Variants in BCKDHB observed in about 807,000 individuals in gnomAD.
BCKDHB encodes branched chain keto acid dehydrogenase E1 subunit beta.
Under a neutral mutation model 48.5 loss-of-function variants are expected in BCKDHB, and 41 were observed. The observed-to-expected ratio is 0.85, with a 90% CI of 0.66 to 1.10. The LOEUF is 1.10. Among genes scored for constraint, BCKDHB ranks in the 50% least tolerant of loss-of-function variants. The probability of loss-of-function intolerance (pLI) is 0.00; values close to 1 mark genes in which losing one functional copy is unlikely to be tolerated. For missense variants in BCKDHB, 496 were observed against 494.2 expected (o/e 1.00, Z -0.03); for synonymous variants, 201 against 174.8 (o/e 1.15, Z -1.18).
chr6:80,447,668 C>A, the BCKDHB span, among the ~76,000 whole-genome samples: 1,470 of 152,198 alleles, frequency 9.7e-3, 16 homozygotes, highest in African/African-American at 0.034. Flanking sequence ...GATTATCTTA[C>A]ATTTTCTAGA....
chr6:80,126,763 GT>G (rs141356160), intron 1 of BCKDHB, among the ~76,000 whole-genome samples: 1,912 of 152,222 alleles, frequency 0.013, 36 homozygotes, highest in African/African-American at 0.044. Context: ...ATGTCATGAT[GT>G]TTCTGAATTC....
intron 8 of BCKDHB, among the ~76,000 whole-genome samples, chr6:80,243,439 A>T (rs1036569403): frequency 2.6e-5 from 4 of 152,230 alleles, no homozygotes; most frequent in Admixed American, 2.0e-4. Context: ...TGTAGATAGA[A>T]AGAATATCTT....
At chr6:80,294,905 C>T (rs1056806354) in intron 9 of BCKDHB, among the ~76,000 whole-genome samples, 1 of 152,020 alleles carries the variant, frequency 6.6e-6, no homozygotes, top group African/African-American at 2.4e-5. Context: ...TTCCTTTTGT[C>T]CTGTTCCCTC....
intron 9 of BCKDHB, among the ~76,000 whole-genome samples, chr6:80,328,097 T>C (rs1769133675): frequency 6.6e-6 from 1 of 152,088 alleles, no homozygotes; most frequent in African/African-American, 2.4e-5. Context: ...CTGTTACCAG[T>C]ATTGAGGGAC....
At chr6:80,145,155 T>A (rs1396227592) in intron 3 of BCKDHB, among the ~76,000 whole-genome samples, 2 of 152,196 alleles carry the variant, frequency 1.3e-5, no homozygotes, top group Non-Finnish European at 2.9e-5. Flanking sequence ...TAGCATTTGA[T>A]GTGTTTTTTC....
intron 8 of BCKDHB, among the ~76,000 whole-genome samples, chr6:80,239,452 T>C (rs1183165065): frequency 6.6e-6 from 1 of 152,214 alleles, no homozygotes; most frequent in Non-Finnish European, 1.5e-5. Context: ...TGGGGTTGTT[T>C]GATTTTTTCT....
At position 80,332,940 on chromosome 6, in the gene BCKDHB, G is replaced by T. The variant is rs1769391910; in HGVS notation, c.1039-10724G>T. ...AGCACTAAAAAGAAAAAAAAAAAAA[G>T]TACAAATTCGTACGGAACCTACTGT... On this transcript the variant is annotated intron_variant, in intron 9 of 9. Coordinates refer to ENST00000320393, the MANE Select transcript of BCKDHB (RefSeq NM_183050.4). Among the ~76,000 whole-genome samples, 6 of 145,864 alleles carry T rather than the reference G, an allele frequency of 4.1e-5. No individual in the cohort carries two copies. The South Asian group carries it at 1.1e-3, about 26-fold the overall frequency.
intron 1 of BCKDHB, among the ~76,000 whole-genome samples, chr6:80,123,140 ATGGTTGTCTTCCCT>A (rs1770133593): frequency 6.6e-6 from 1 of 151,990 alleles, no homozygotes; most frequent in South Asian, 2.1e-4. Flanking sequence ...GTCAGACCTT[ATGGTTGTCTTCCCT>A]TGTTCCCTAA....
intron 8 of BCKDHB, among the ~76,000 whole-genome samples, chr6:80,230,944 C>T (rs889644141): frequency 2.0e-5 from 3 of 152,166 alleles, no homozygotes; most frequent in African/African-American, 7.2e-5. Context: ...ATTAAGTTTC[C>T]AACACATGAA....
intron 8 of BCKDHB, among the ~76,000 whole-genome samples, chr6:80,224,570 T>C (rs1286522565): frequency 1.3e-5 from 2 of 152,112 alleles, no homozygotes; most frequent in Non-Finnish European, 2.9e-5. Flanking sequence ...TTTTGTATTT[T>C]TCTTTTGTAG....
intron 6 of BCKDHB, among the ~76,000 whole-genome samples, chr6:80,193,762 T>C (rs1014931252): frequency 6.6e-6 from 1 of 151,696 alleles, no homozygotes; most frequent in African/African-American, 2.4e-5. Flanking sequence ...ATGAAAGATA[T>C]TAGCTGATTA....
chr6:80,309,815 A>G (rs974067829), intron 9 of BCKDHB, among the ~76,000 whole-genome samples: 2 of 152,210 alleles, frequency 1.3e-5, no homozygotes, highest in Non-Finnish European at 2.9e-5. Context: ...GGTAATAAGC[A>G]TAGTAACTGA....
At position 80,140,069 on chromosome 6, in the gene BCKDHB, G is replaced by T. The variant is rs897288631; in HGVS notation, c.343+10840G>T. ...GTATTTTATTCTCTTTGAAGCAATT[G>T]TGAATGGGAGTTCACTCATGATTTG... On this transcript the variant is annotated intron_variant, in intron 3 of 9. Coordinates refer to ENST00000320393, the MANE Select transcript of BCKDHB (RefSeq NM_183050.4). Among the ~76,000 whole-genome samples the T allele has an allele frequency of 1.7e-3, 261 of 152,262 alleles. 1 individual carries two copies. Among genetic ancestry groups the T allele is most frequent in the African/African-American group, 5.9e-3 (247 of 41,552 alleles).
At chr6:80,218,725 C>T (rs1775283757) in intron 8 of BCKDHB, among the ~76,000 whole-genome samples, 1 of 152,194 alleles carries the variant, frequency 6.6e-6, no homozygotes, top group Non-Finnish European at 1.5e-5. Context: ...TTAATGCCCT[C>T]TACTCCTATA....
chr6:80,374,389 G>A, the BCKDHB span: 23,279 of 797,630 alleles, frequency 0.029, 487 homozygotes, highest in Non-Finnish European at 0.039. Context: ...TTGTAACGTC[G>A]GAATGGTACG....
At chr6:80,433,507 C>A in the BCKDHB span, among the ~76,000 whole-genome samples, 7 of 152,216 alleles carry the variant, frequency 4.6e-5, no homozygotes, top group African/African-American at 1.7e-4. Context: ...ACACCCCTCC[C>A]CGCGCCAAGC....
At chr6:80,165,506 A>C (rs1219243642) in intron 3 of BCKDHB, among the ~76,000 whole-genome samples, 1 of 152,232 alleles carries the variant, frequency 6.6e-6, no homozygotes, top group Admixed American at 6.5e-5. Flanking sequence ...TATATGAAAA[A>C]GAACTGGTAT....
At chr6:80,166,311 A>G (rs1772564224) in intron 3 of BCKDHB, among the ~76,000 whole-genome samples, 1 of 152,014 alleles carries the variant, frequency 6.6e-6, no homozygotes, top group African/African-American at 2.4e-5. Flanking sequence ...CCACTTTCTA[A>G]TTTTCATTAT....
At position 80,203,165 on chromosome 6, in the gene BCKDHB, A is replaced by C. The variant is rs751181519; in HGVS notation, c.904A>C (p.Ile302Leu). 13 of 1,612,734 alleles carry C rather than the reference A, an allele frequency of 8.1e-6. No individual in the cohort carries two copies. Among genetic ancestry groups the C allele is most frequent in the Non-Finnish European group, 1.0e-5 (12 of 1,179,080 alleles). The change falls in exon 8 of 10, where the codon ATT (isoleucine) becomes CTT (leucine). Residue 302 changes from isoleucine to leucine, a missense_variant. Ile to Leu is a conservative substitution (Grantham distance 5). Transcript: ENST00000320393. ...AAAGCTTGGAGTGTCTTGTGAAGTC[A>C]TTGATCTGAGGACTATAATACCTTG... is the stretch of plus-strand genomic sequence containing the variant. ...KEKLGVSCEV[I>L]DLRTIIPWDV...
Sources: gnomAD v4.1 joint callset for allele counts (sites outside exome capture counted in the v4.1 genomes callset) on GRCh38, gnomAD v4.1.1 for gene constraint, MANE v1.5 for transcripts, NCBI Gene and HGNC (gene_info 2026-07-23, HGNC 2026-07-21) for gene names.